The following DLG2 variants were observed in gnomAD, a reference collection of about 807,000 sequenced individuals.
DLG2 encodes disks large homolog 2.
In DLG2, 45 loss-of-function variants were observed where a neutral mutation model predicts 132.5. The ratio of observed to expected loss-of-function variants is 0.34; its 90% CI spans 0.27 to 0.44. The LOEUF is 0.44. DLG2 is among the 20% of genes least tolerant of loss of function. DLG2 has a pLI of 1.00. For missense variants in DLG2, 1,045 were observed against 1,196.9 expected (o/e 0.87, Z 1.87); for synonymous variants, 424 against 419.6 (o/e 1.01, Z -0.13).
At chr11:85,321,199 C>T (rs138068097) in intron 3 of DLG2, among the ~76,000 whole-genome samples, 23 of 151,628 alleles carry the variant, frequency 1.5e-4, no homozygotes, top group African/African-American at 4.8e-4. Context: ...TACATGAAGG[C>T]TATGAGAGAG....
rs1427117553 is a variant in DLG2, at chr11:84,180,104, A to G, written c.574-16593T>C. Among the ~76,000 whole-genome samples, 2 of 152,324 alleles carry G rather than the reference A, an allele frequency of 1.3e-5. 1 individual carries two copies. Among genetic ancestry groups the G allele is most frequent in the South Asian group, 4.1e-4 (2 of 4,828 alleles). On this transcript the variant is annotated intron_variant, in intron 8 of 27. Transcript: ENST00000376104. ...AGTCAAATACGGCAGAAATGTTTGA[A>G]TTATGATTAGTATACTAAAGGCTTT...
intron 3 of DLG2, among the ~76,000 whole-genome samples, chr11:85,406,746 TA>T (rs1318602576): frequency 6.6e-6 from 1 of 151,884 alleles, no homozygotes; most frequent in Non-Finnish European, 1.5e-5. Flanking sequence ...CAGAGTAAGT[TA>T]AACAAAACAA....
intron 9 of DLG2, among the ~76,000 whole-genome samples, chr11:84,129,079 G>T (rs1428070783): frequency 6.6e-6 from 1 of 152,098 alleles, no homozygotes; most frequent in East Asian, 1.9e-4. Context: ...TTGTTTCAGG[G>T]ACCTAAACAG....
At chr11:84,276,703 G>A (rs991340052) in intron 7 of DLG2, among the ~76,000 whole-genome samples, 1 of 152,062 alleles carries the variant, frequency 6.6e-6, no homozygotes, top group African/African-American at 2.4e-5. Context: ...AATATGTCAC[G>A]ATGCTCTAAC....
At chr11:84,955,996 G>A (rs2154105717) in intron 6 of DLG2, among the ~76,000 whole-genome samples, 1 of 152,250 alleles carries the variant, frequency 6.6e-6, no homozygotes, top group African/African-American at 2.4e-5. Flanking sequence ...CAGATAATGG[G>A]AAGCACTGCA....
chr11:83,742,246 C>T (rs76098170), intron 18 of DLG2, among the ~76,000 whole-genome samples: 6,973 of 147,704 alleles, frequency 0.047, 573 homozygotes, highest in African/African-American at 0.16. Flanking sequence ...CACACACAGA[C>T]GTAACTGTTA....
chr11:85,093,650 G>A (rs889269064), intron 6 of DLG2, among the ~76,000 whole-genome samples: 1 of 152,178 alleles, frequency 6.6e-6, no homozygotes, highest in East Asian at 1.9e-4. Flanking sequence ...GTGTGCGGGG[G>A]AACTCTCGAT....
chr11:83,571,418 G>T lies in DLG2; in HGVS notation c.1941-29560C>A, dbSNP rs2096794387. 2.0e-5 allele frequency among the ~76,000 whole-genome samples: 3 copies of T among 151,244 alleles called. No homozygotes were observed. The South Asian group carries it at 6.3e-4, about 32-fold the overall frequency. On this transcript the variant is annotated intron_variant, in intron 19 of 27. Transcript: ENST00000376104. ...AAATCTTTTTTTTCTAGCAAACGTT[G>T]TCCATCGCTGTTAAGATGACCTTGA...
intron 26 of DLG2, among the ~76,000 whole-genome samples, chr11:83,464,761 T>C (rs1378891479): frequency 2.0e-5 from 3 of 152,222 alleles, no homozygotes; most frequent in Admixed American, 1.3e-4. Context: ...GTGCCACTGC[T>C]GTCGTTCCCT....
At chr11:84,547,886 G>A (rs144995412) in intron 6 of DLG2, among the ~76,000 whole-genome samples, 3 of 152,142 alleles carry the variant, frequency 2.0e-5, no homozygotes, top group Non-Finnish European at 4.4e-5. Context: ...AGACTCCTGT[G>A]TACTCCACCA....
intron 6 of DLG2, among the ~76,000 whole-genome samples, chr11:84,767,851 T>C (rs748054091): frequency 1.3e-5 from 2 of 152,010 alleles, no homozygotes; most frequent in African/African-American, 2.4e-5. Context: ...TTTCCCTAGT[T>C]GAGATATAGT....
chr11:84,416,126 C>G (rs1280168552), intron 7 of DLG2, among the ~76,000 whole-genome samples: 1 of 152,146 alleles, frequency 6.6e-6, no homozygotes, highest in Non-Finnish European at 1.5e-5. Context: ...GTGCTCCAGC[C>G]TTGATACCAA....
At chr11:85,302,290 A>G (rs1025354676) in intron 3 of DLG2, among the ~76,000 whole-genome samples, 1 of 96,572 alleles carries the variant, frequency 1.0e-5, no homozygotes, top group Non-Finnish European at 2.2e-5. Flanking sequence ...TAATAATACT[A>G]CTACATAAAG....
chr11:84,553,300 T>G (rs748649424), intron 6 of DLG2, among the ~76,000 whole-genome samples: 3 of 152,214 alleles, frequency 2.0e-5, no homozygotes, highest in Non-Finnish European at 2.9e-5. Flanking sequence ...ACTGATGCAC[T>G]GTAATAGACC....
intron 6 of DLG2, among the ~76,000 whole-genome samples, chr11:84,789,846 C>T (rs1243725113): frequency 7.9e-5 from 12 of 152,262 alleles, no homozygotes; most frequent in African/African-American, 2.9e-4. Context: ...GGTTTTCTTT[C>T]TGTGCCTGGC....
At chr11:84,888,041 C>G (rs2088635840) in intron 6 of DLG2, among the ~76,000 whole-genome samples, 1 of 152,108 alleles carries the variant, frequency 6.6e-6, no homozygotes, top group African/African-American at 2.4e-5. Context: ...TACTGTGGCC[C>G]TCTCATTGAT....
At chr11:84,454,312 T>C (rs1048396555) in intron 7 of DLG2, among the ~76,000 whole-genome samples, 2 of 151,530 alleles carry the variant, frequency 1.3e-5, no homozygotes, top group African/African-American at 4.8e-5. Flanking sequence ...AATAGATATA[T>C]TCTTACTACC....
intron 7 of DLG2, among the ~76,000 whole-genome samples, chr11:84,291,336 C>A (rs569090052): frequency 6.6e-6 from 1 of 152,186 alleles, no homozygotes; most frequent in South Asian, 2.1e-4. Flanking sequence ...CCAAGTTAGA[C>A]TAAATGGGCA....
intron 4 of DLG2, among the ~76,000 whole-genome samples, chr11:85,182,123 A>C (rs2079747576): frequency 6.6e-6 from 1 of 152,000 alleles, no homozygotes; most frequent in Non-Finnish European, 1.5e-5. Context: ...CTAATGTCCT[A>C]GGACCTAGTG....
Sources: gnomAD v4.1 joint callset for allele counts (sites outside exome capture counted in the v4.1 genomes callset) on GRCh38, gnomAD v4.1.1 for gene constraint, MANE v1.5 for transcripts, NCBI Gene and HGNC (gene_info 2026-07-23, HGNC 2026-07-21) for gene names.